Variants in CSMD1 observed in about 807,000 individuals in gnomAD.
CSMD1 encodes the protein CUB and sushi domain-containing protein 1.
CSMD1 carries 213 observed loss-of-function variants against 417.5 expected under a neutral mutation model. The observed-to-expected ratio is 0.51, with a 90% CI of 0.46 to 0.57. The LOEUF (loss-of-function observed/expected upper bound fraction) is 0.57. Among genes scored for constraint, CSMD1 ranks in the 20% least tolerant of loss-of-function variants. CSMD1 has a pLI of 0.00. For synonymous variants in CSMD1, 2,862 were observed against 1,736.8 expected, an observed-to-expected ratio of 1.65 and a Z score of -16.11; for missense variants, 6,923 against 4,529.7, an observed-to-expected ratio of 1.53 and a Z score of -15.17.
chr8:3,611,342 G>A (rs1801884671), intron 8 of CSMD1, among the ~76,000 whole-genome samples: 1 of 152,028 alleles, frequency 6.6e-6, no homozygotes, highest in South Asian at 2.1e-4. Flanking sequence ...CTAGGGCTTG[G>A]TGAAGCCTGA....
At chr8:2,955,509 C>T (rs1213521345) in intron 64 of CSMD1, 80 bp downstream of exon 64, 25 of 1,412,246 alleles carry the variant, frequency 1.8e-5, no homozygotes, top group Middle Eastern at 3.6e-4. Flanking sequence ...GGGTCTCACA[C>T]GTGGACACTA....
At chr8:3,678,021 C>T (rs750187562) in intron 7 of CSMD1, among the ~76,000 whole-genome samples, 5 of 152,066 alleles carry the variant, frequency 3.3e-5, no homozygotes, top group African/African-American at 4.8e-5. Context: ...ATCTTCAAAG[C>T]GTTCTGTCAA....
intron 1 of CSMD1, among the ~76,000 whole-genome samples, chr8:4,641,502 T>C (rs1419379100): frequency 1.3e-5 from 2 of 152,166 alleles, no homozygotes; most frequent in Non-Finnish European, 2.9e-5. Flanking sequence ...TTTTCACATA[T>C]ACTCTTTGTT....
At chr8:4,781,604 G>C (rs1486607524) in intron 1 of CSMD1, among the ~76,000 whole-genome samples, 2 of 152,168 alleles carry the variant, frequency 1.3e-5, no homozygotes, top group Non-Finnish European at 2.9e-5. Context: ...CTAGTCTTTT[G>C]TCTATTGTTG....
At chr8:4,071,273 A>G (rs1281147328) in intron 3 of CSMD1, among the ~76,000 whole-genome samples, 1 of 151,980 alleles carries the variant, frequency 6.6e-6, no homozygotes, top group Non-Finnish European at 1.5e-5. Context: ...CCTGCTTGTT[A>G]TATTTTTTCA....
At chr8:4,379,614 G>A (rs946965409) in intron 3 of CSMD1, among the ~76,000 whole-genome samples, 4 of 151,812 alleles carry the variant, frequency 2.6e-5, no homozygotes, top group African/African-American at 4.8e-5. Flanking sequence ...TGCAAGGTAA[G>A]CCATGAGATT....
At chr8:3,493,840 C>G (rs10503206) in intron 10 of CSMD1, 114 bp from the exon 11 acceptor site, 55,981 of 703,648 alleles carry the variant, frequency 0.08, 3,036 homozygotes, top group East Asian at 0.22. Context: ...ATGCCAATGT[C>G]AAATGATCCC....
At chr8:4,442,647 T>A (rs894663451) in intron 2 of CSMD1, among the ~76,000 whole-genome samples, 1 of 152,252 alleles carries the variant, frequency 6.6e-6, no homozygotes, top group East Asian at 1.9e-4. Flanking sequence ...GATTCCAGAG[T>A]ACTTTTAAAA....
rs553806425 is a variant in CSMD1, at chr8:4,873,913, G to T, written c.85+120419C>A. Among the ~76,000 whole-genome samples, 2 of 152,160 alleles carry T rather than the reference G, an allele frequency of 1.3e-5. 1 individual carries two copies. Among genetic ancestry groups the T allele is most frequent in the African/African-American group, 4.8e-5 (2 of 41,478 alleles). The stretch of plus-strand genomic sequence containing the variant: ...GACAAGGCAATTAGAAAGAAGAAAG[G>T]AAAGAAGGAAGTATGGAAGGGGAAA... On this transcript the variant is annotated intron_variant, in intron 1 of 69. Transcript: ENST00000635120.
chr8:4,979,737 T>G (rs1810770561), intron 1 of CSMD1, among the ~76,000 whole-genome samples: 1 of 152,198 alleles, frequency 6.6e-6, no homozygotes, highest in Admixed American at 6.5e-5. Flanking sequence ...CATATTGATA[T>G]AAAACATATT....
intron 17 of CSMD1, among the ~76,000 whole-genome samples, chr8:3,391,747 T>A (rs1198873843): frequency 6.6e-6 from 1 of 152,176 alleles, no homozygotes; most frequent in Non-Finnish European, 1.5e-5. Context: ...CAAATATAAG[T>A]CAGCCTCGAG....
intron 3 of CSMD1, among the ~76,000 whole-genome samples, chr8:4,041,571 G>C (rs540835859): frequency 1.1e-4 from 16 of 152,258 alleles, no homozygotes; most frequent in African/African-American, 3.1e-4. Context: ...GTCAAAGTGA[G>C]ATTCACAGTC....
intron 1 of CSMD1, among the ~76,000 whole-genome samples, chr8:4,765,789 G>C (rs745796101): frequency 6.6e-6 from 1 of 152,162 alleles, no homozygotes; most frequent in Non-Finnish European, 1.5e-5. Context: ...GAGAGCCTGG[G>C]GGTTGATGAA....
chr8:4,066,437 G>T (rs147310905), intron 3 of CSMD1, among the ~76,000 whole-genome samples: 1 of 152,190 alleles, frequency 6.6e-6, no homozygotes, highest in African/African-American at 2.4e-5. Flanking sequence ...CCTTGCACAT[G>T]CTAGCTACCC....
At chr8:3,678,596 A>G (rs147317266) in intron 7 of CSMD1, among the ~76,000 whole-genome samples, 22,295 of 152,146 alleles carry the variant, frequency 0.15, 1,971 homozygotes, top group South Asian at 0.22. Context: ...GAATGGAAAC[A>G]AGTTGGAAAA....
intron 2 of CSMD1, among the ~76,000 whole-genome samples, chr8:4,541,889 C>T (rs898807138): frequency 6.6e-6 from 1 of 152,066 alleles, no homozygotes; most frequent in Non-Finnish European, 1.5e-5. Flanking sequence ...AGGCTGGAGG[C>T]GCCGCACCTG....
At position 4,865,719 on chromosome 8, in the gene CSMD1, G is replaced by A. The variant is rs76726717; in HGVS notation, c.85+128613C>T. On this transcript the variant is annotated intron_variant, in intron 1 of 69. Coordinates refer to ENST00000635120, the MANE Select transcript of CSMD1 (RefSeq NM_033225.6). ...AATCAGATTTGTTCTAATGCAAAATGTATCTAAATTTACTTAATATAAGAG... is the reference window on the plus strand; with the variant it reads ...AATCAGATTTGTTCTAATGCAAAATATATCTAAATTTACTTAATATAAGAG... Among the ~76,000 whole-genome samples the A allele has an allele frequency of 2.8e-3, 425 of 151,892 alleles. 2 individuals carry two copies. Among genetic ancestry groups the A allele is most frequent in the African/African-American group, 9.8e-3 (405 of 41,418 alleles).
intron 5 of CSMD1, among the ~76,000 whole-genome samples, chr8:3,958,368 C>G (rs1052975570): frequency 1.2e-4 from 18 of 147,302 alleles, no homozygotes; most frequent in Non-Finnish European, 2.7e-4. Flanking sequence ...AACTTTTAAG[C>G]TGTTTCACTC....
At chr8:3,629,725 G>A (rs1016693281) in intron 7 of CSMD1, among the ~76,000 whole-genome samples, 2 of 100,414 alleles carry the variant, frequency 2.0e-5, no homozygotes, top group African/African-American at 6.0e-5. Flanking sequence ...AAGAATAAAG[G>A]TAAAACACTA....
Sources: gnomAD v4.1 joint callset for allele counts (sites outside exome capture counted in the v4.1 genomes callset) on GRCh38, gnomAD v4.1.1 for gene constraint, MANE v1.5 for transcripts, NCBI Gene and HGNC (gene_info 2026-07-23, HGNC 2026-07-21) for gene names.